Variants in PCDH11X observed in about 807,000 individuals in gnomAD.
PCDH11X encodes the protein protocadherin-11 X-linked.
Under a neutral mutation model 53.3 loss-of-function variants are expected in PCDH11X, and 18 were observed. That is an observed-to-expected ratio of 0.34 (90% CI 0.23 to 0.50). The LOEUF (loss-of-function observed/expected upper bound fraction) is 0.50, where lower values mean the gene tolerates loss of function less well. Among genes scored for constraint, PCDH11X ranks in the 20% least tolerant of loss-of-function variants. The pLI is 0.98. For missense variants in PCDH11X, 570 were observed against 1,032.4 expected, an observed-to-expected ratio of 0.55 and a Z score of 6.14; for synonymous variants, 279 against 393.3, an observed-to-expected ratio of 0.71 and a Z score of 3.44.
At chrX:92,147,924 T>C (rs1306679411) in intron 6 of PCDH11X, among the ~76,000 whole-genome samples, 1 of 98,986 alleles carries the variant, frequency 1.0e-5, no homozygotes, top group Non-Finnish European at 2.0e-5. Context: ...TTCTCCTTTC[T>C]TCCTTCCTTT....
chrX:92,222,628 T>A (rs2066903467), intron 7 of PCDH11X, among the ~76,000 whole-genome samples: 1 of 112,143 alleles, frequency 8.9e-6, no homozygotes, highest in South Asian at 3.7e-4. Flanking sequence ...ATTGATACTC[T>A]CACCAGGTTT....
At chrX:92,284,618 T>C (rs2068321509) in intron 8 of PCDH11X, among the ~76,000 whole-genome samples, 1 of 112,416 alleles carries the variant, frequency 8.9e-6, no homozygotes. Flanking sequence ...ATGAGAACCA[T>C]TTTTGCTGCG....
chrX:92,551,630 A>G (rs2148750815), intron 10 of PCDH11X, among the ~76,000 whole-genome samples: 1 of 108,061 alleles, frequency 9.3e-6, no homozygotes, highest in South Asian at 4.1e-4. Context: ...TTTTGCCCAG[A>G]CCAATGTCCT....
chrX:92,430,732 T>G lies in PCDH11X; in HGVS notation c.3344-37567T>G, dbSNP rs746945592. Among the ~76,000 whole-genome samples, 3 of 108,151 alleles carry G rather than the reference T, an allele frequency of 2.8e-5. No homozygotes were observed. In the South Asian group the frequency reaches 1.2e-3, roughly 44 times the overall value. 93.9% of individuals were successfully genotyped at this position (108,151 alleles called of 115,157 possible). A position where few individuals can be genotyped will look rare whatever the true frequency, so the allele number is the denominator to read the frequency against. On this transcript the variant is annotated intron_variant, in intron 9 of 10. Coordinates refer to ENST00000682573, the MANE Select transcript of PCDH11X (RefSeq NM_032968.5). ...AAAATACAACTTACTGTAATCATAC[T>G]GCAGTTTGTCATATGTGGTTCATTG...
intron 6 of PCDH11X, among the ~76,000 whole-genome samples, chrX:92,132,657 G>GTATATGTA (rs2065009541): frequency 5.5e-5 from 3 of 54,388 alleles, no homozygotes; most frequent in African/African-American, 2.1e-4. Context: ...ATATATATAT[G>GTATATGTA]TATATATATA....
At chrX:92,176,670 G>T (rs2065913763) in intron 6 of PCDH11X, among the ~76,000 whole-genome samples, 1 of 111,848 alleles carries the variant, frequency 8.9e-6, no homozygotes, top group African/African-American at 3.2e-5. Flanking sequence ...ACATTTCCCA[G>T]AATACTATAA....
chrX:91,892,704 AT>A (rs35310035), intron 6 of PCDH11X, among the ~76,000 whole-genome samples: 6,139 of 100,188 alleles, frequency 0.061, 471 homozygotes, highest in African/African-American at 0.21. Context: ...ACAAGAACAC[AT>A]TTTTTTTTTT....
rs1217877187 is a variant in PCDH11X at position 92,230,442 on chromosome X, AT to A, written c.3114+28990del. Among the ~76,000 whole-genome samples, 7 of 19,453 alleles carry A rather than the reference AT, an allele frequency of 3.6e-4. No homozygotes were observed. In the Admixed American group the frequency reaches 3.6e-3, roughly 10 times the overall value. The allele number at this position is 19,453 out of a possible 115,157, so 16.9% of individuals were successfully genotyped here. A position where few individuals can be genotyped will look rare whatever the true frequency, so the allele number is the denominator to read the frequency against. ...TATAATATATAAATATATATTATAT[AT>A]TTATATATAATTTATAAAATATATA... On this transcript the variant is annotated intron_variant, in intron 7 of 10. Transcript: ENST00000682573.
intron 7 of PCDH11X, among the ~76,000 whole-genome samples, chrX:92,256,213 C>T (rs1451523681): frequency 9.0e-6 from 1 of 111,594 alleles, no homozygotes; most frequent in East Asian, 2.9e-4. Context: ...TTCCAGGTGC[C>T]GTCCGTCACC....
At chrX:91,971,873 T>C (rs982438691) in intron 6 of PCDH11X, among the ~76,000 whole-genome samples, 5 of 111,537 alleles carry the variant, frequency 4.5e-5, no homozygotes, top group Non-Finnish European at 9.4e-5. Context: ...AAGACATACT[T>C]TAGAAATAAA....
chrX:92,264,600 C>A (rs1430835132), intron 8 of PCDH11X, among the ~76,000 whole-genome samples: 8 of 111,560 alleles, frequency 7.2e-5, no homozygotes, highest in African/African-American at 2.6e-4. Context: ...TTCTAACATT[C>A]TTAACCATTC....
At chrX:92,181,059 T>C (rs2065990099) in intron 6 of PCDH11X, among the ~76,000 whole-genome samples, 2 of 111,214 alleles carry the variant, frequency 1.8e-5, no homozygotes, top group African/African-American at 6.5e-5. Flanking sequence ...CAAGAAAATG[T>C]GGAAAACTTT....
At chrX:92,450,997 G>A (rs1358574657) in intron 9 of PCDH11X, among the ~76,000 whole-genome samples, 5 of 110,953 alleles carry the variant, frequency 4.5e-5, no homozygotes, top group Non-Finnish European at 9.5e-5. Flanking sequence ...GAATGAGTTG[G>A]TTAAGTAGAG....
chrX:91,877,445 A>G lies in PCDH11X; in HGVS notation c.1205A>G (p.His402Arg), dbSNP rs1939674395. The G allele has an allele frequency of 8.3e-7, 1 of 1,211,650 alleles. No individual in the cohort carries two copies. The highest frequency in any genetic ancestry group is 3.0e-5 in the East Asian group (1 of 33,814). Residue 402 changes from histidine (H) to arginine (R), a missense_variant, in exon 6 of 11, where the codon CAT (histidine) becomes CGT (arginine). Physicochemically the swap from His to Arg is conservative, Grantham distance 29. Around this residue, in one of 6 missense-constraint regions of PCDH11X, gnomAD observed 226 missense variants for 457.5 expected, o/e 0.49. Coordinates refer to ENST00000682573, the MANE Select transcript of PCDH11X (RefSeq NM_032968.5). Reference protein sequence around the residue: ...HNGRVTCFTDHEIPFRLRPVF... With the variant: ...HNGRVTCFTDREIPFRLRPVF... ...GGCAGGGTGACATGCTTCACAGATC[A>G]TGAAATCCCTTTCAGATTAAGGCCA...
At chrX:91,970,460 ATTAG>A (rs1197435559) in intron 6 of PCDH11X, among the ~76,000 whole-genome samples, 3 of 111,147 alleles carry the variant, frequency 2.7e-5, no homozygotes, top group Admixed American at 9.6e-5. Flanking sequence ...CCCCTACCCG[ATTAG>A]TTAGACACAG....
At chrX:92,504,950 G>C (rs1305900761) in intron 10 of PCDH11X, among the ~76,000 whole-genome samples, 1 of 109,977 alleles carries the variant, frequency 9.1e-6, no homozygotes, top group Non-Finnish European at 1.9e-5. Flanking sequence ...ATCTGTTCAT[G>C]TTCTTTGGCC....
At position 92,080,610 on chromosome X, in the gene PCDH11X, T is replaced by C. The variant is rs745317950; in HGVS notation, c.3034-120765T>C. 5.4e-3 allele frequency among the ~76,000 whole-genome samples: 585 copies of C among 109,179 alleles called. 4 individuals carry two copies. The highest frequency in any genetic ancestry group is 0.019 in the African/African-American group (560 of 29,511). 94.8% of individuals were successfully genotyped at this position (109,179 alleles called of 115,157 possible). On this transcript the variant is annotated intron_variant, in intron 6 of 10. Coordinates refer to ENST00000682573, the MANE Select transcript of PCDH11X (RefSeq NM_032968.5). ...TGATCCTGTAGGAGAGGCAAAATTT[T>C]GCCCCTACCTTCTTAGGGATTTTTG...
intron 6 of PCDH11X, among the ~76,000 whole-genome samples, chrX:92,147,989 CT>C (rs1486629075): frequency 1.2e-4 from 10 of 81,015 alleles, no homozygotes; most frequent in African/African-American, 5.4e-4. Context: ...TCCTTCCTTT[CT>C]TTCTTTCTTT....
chrX:92,059,349 A>T (rs1334894365), intron 6 of PCDH11X, among the ~76,000 whole-genome samples: 3 of 111,357 alleles, frequency 2.7e-5, no homozygotes, highest in Non-Finnish European at 5.7e-5. Context: ...GGCAGACTTT[A>T]TGAATTTCTA....
Sources: gnomAD v4.1 joint callset for allele counts (sites outside exome capture counted in the v4.1 genomes callset) on GRCh38, gnomAD v4.1.1 for gene constraint, gnomAD v4.1.1 regional missense constraint, MANE v1.5 for transcripts, NCBI Gene and HGNC (gene_info 2026-07-23, HGNC 2026-07-21) for gene names.